DYNLT2B: variants seen among roughly 807,000 people sequenced by gnomAD.
DYNLT2B encodes the protein dynein light chain Tctex-type 2B.
DYNLT2B carries 14 observed loss-of-function variants against 19.5 expected under a neutral mutation model. The ratio of observed to expected loss-of-function variants is 0.72; its 90% CI spans 0.47 to 1.12. The LOEUF (loss-of-function observed/expected upper bound fraction) is 1.12. Ranked by LOEUF, DYNLT2B falls within the 50% of genes most tolerant of loss-of-function variation. DYNLT2B has a pLI of 0.00. For missense variants in DYNLT2B, 133 were observed against 174.7 expected (o/e 0.76, Z 1.35); for synonymous variants, 70 against 59.7 (o/e 1.17, Z -0.79).
At chr3:196,313,872 C>G (rs574947984) in intron 2 of DYNLT2B, among the ~76,000 whole-genome samples, 1 of 151,924 alleles carries the variant, frequency 6.6e-6, no homozygotes. Flanking sequence ...CCGAGGCGGA[C>G]GGATCACCTG....
chr3:196,310,575 C>T lies in DYNLT2B; in HGVS notation c.248-3563G>A, dbSNP rs571769720. Among the ~76,000 whole-genome samples, 12 of 150,886 alleles carry T rather than the reference C, an allele frequency of 8.0e-5. No homozygotes were observed. The East Asian group carries it at 1.4e-3, about 17-fold the overall frequency. On this transcript the variant is annotated intron_variant, in intron 2 of 4. Coordinates refer to ENST00000325318, the MANE Select transcript of DYNLT2B (RefSeq NM_152773.5). ...TTCTGAGTAGCTGGGATTACAGGCA[C>T]GCACCACCATACCTGGCTAAATTTT...
At chr3:196,300,625 A>AG (rs1227384603) in intron 3 of DYNLT2B, among the ~76,000 whole-genome samples, 1 of 147,676 alleles carries the variant, frequency 6.8e-6, no homozygotes, top group African/African-American at 2.5e-5. Context: ...GTTACTCAGG[A>AG]GGCTGAGGCA....
intron 2 of DYNLT2B, among the ~76,000 whole-genome samples, chr3:196,313,563 A>G (rs76081258): frequency 0.013 from 1,992 of 152,202 alleles, 53 homozygotes; most frequent in African/African-American, 0.046. Flanking sequence ...TCTAGTGTTT[A>G]AATTTTGTAT....
At chr3:196,315,726 G>A (rs1021483589) in intron 2 of DYNLT2B, among the ~76,000 whole-genome samples, 1 of 152,026 alleles carries the variant, frequency 6.6e-6, no homozygotes, top group African/African-American at 2.4e-5. Flanking sequence ...TACAAAATTA[G>A]CCAGGCGTGA....
chr3:196,310,460 G>A (rs1473797465), intron 2 of DYNLT2B, among the ~76,000 whole-genome samples: 4 of 151,092 alleles, frequency 2.6e-5, no homozygotes, highest in East Asian at 3.9e-4. Context: ...AGGGAATCTC[G>A]CTCTGTCGCT....
intron 3 of DYNLT2B, among the ~76,000 whole-genome samples, chr3:196,298,839 G>C (rs1490350269): frequency 1.3e-5 from 2 of 152,184 alleles, no homozygotes; most frequent in Non-Finnish European, 2.9e-5. Context: ...CCTTGCTCAG[G>C]TAAAGAACAA....
chr3:196,291,251 G>T lies in DYNLT2B; in HGVS notation c.*76C>A. Reference sequence around the variant, plus strand: ...GTCAAACTACTAACATCTTTATTTTGTCAAGATATTTAACAATATTAAAAA... The same window carrying T: ...GTCAAACTACTAACATCTTTATTTTTTCAAGATATTTAACAATATTAAAAA... On this transcript the variant is annotated 3_prime_UTR_variant, in exon 5 of 5. Coordinates refer to ENST00000325318, the MANE Select transcript of DYNLT2B (RefSeq NM_152773.5). 2.2e-6 allele frequency: 3 copies of T among 1,342,864 alleles called. No individual in the cohort carries two copies. The highest frequency in any genetic ancestry group is 3.1e-6 in the Non-Finnish European group (3 of 968,124). The allele number at this position is 1,342,864 out of a possible 1,614,324, so 83.2% of individuals were successfully genotyped here.
chr3:196,301,616 G>A (rs1726353422), intron 3 of DYNLT2B, among the ~76,000 whole-genome samples: 1 of 152,074 alleles, frequency 6.6e-6, no homozygotes, highest in Non-Finnish European at 1.5e-5. Flanking sequence ...GGGAGGCTGA[G>A]GCAGGAGAAT....
Position 196,316,110 on chromosome 3 carries a change from C to G in DYNLT2B, c.235G>C (p.Asp79His). The G allele has an allele frequency of 6.2e-7, 1 of 1,613,220 alleles. No individual in the cohort carries two copies. The highest frequency in any genetic ancestry group is 1.1e-5 in the South Asian group (1 of 90,896). The change falls in exon 2 of 5, where the codon GAT becomes CAT. Residue 79 changes from aspartate (D) to histidine (H), a missense_variant. Coordinates refer to ENST00000325318, the MANE Select transcript of DYNLT2B (RefSeq NM_152773.5). ...TCACCATGATTACCTTTTAATTTAT[C>G]TTTAATGTTTTCTGATAAATGTTTT... ...LTKHLSENIK[D>H]KLKEMGFDRY...
At chr3:196,298,943 G>A (rs1300957964) in intron 3 of DYNLT2B, among the ~76,000 whole-genome samples, 1 of 151,698 alleles carries the variant, frequency 6.6e-6, no homozygotes, top group Non-Finnish European at 1.5e-5. Flanking sequence ...ACAGAGTCTT[G>A]CTCTGTCACC....
chr3:196,296,296 G>C, intron 3 of DYNLT2B: 1 of 472,132 alleles, frequency 2.1e-6, no homozygotes, highest in Non-Finnish European at 3.8e-6. Context: ...TGACCAGCCA[G>C]GTACTCTGAC....
intron 2 of DYNLT2B, among the ~76,000 whole-genome samples, chr3:196,314,479 A>C (rs1361499419): frequency 6.6e-6 from 1 of 151,380 alleles, no homozygotes; most frequent in Non-Finnish European, 1.5e-5. Context: ...AAAAAAAAAA[A>C]AAAAAAGAAC....
chr3:196,310,947 G>T (rs1401895040), intron 2 of DYNLT2B, among the ~76,000 whole-genome samples: 1 of 151,928 alleles, frequency 6.6e-6, no homozygotes, highest in Non-Finnish European at 1.5e-5. Flanking sequence ...TGTTGCCCAG[G>T]GTGGTCATGA....
chr3:196,307,175 T>C (rs1726510640), intron 2 of DYNLT2B, among the ~76,000 whole-genome samples, 163 bp from the exon 3 acceptor site: 1 of 152,208 alleles, frequency 6.6e-6, no homozygotes, highest in Admixed American at 6.5e-5. Flanking sequence ...ATCCTAACTA[T>C]AACTCAGCAA....
At chr3:196,298,293 C>T (rs1726271776) in intron 3 of DYNLT2B, 1 of 161,774 alleles carries the variant, frequency 6.2e-6, no homozygotes, top group Non-Finnish European at 1.3e-5. Context: ...ATAGTGAGAC[C>T]CCAATTGTTT....
intron 3 of DYNLT2B, among the ~76,000 whole-genome samples, chr3:196,298,668 T>A (rs1726278804): frequency 2.0e-5 from 3 of 150,620 alleles, no homozygotes; most frequent in African/African-American, 7.3e-5. Context: ...TAAGAAAAGC[T>A]GGATAAAATG....
chr3:196,297,942 A>T (rs1726263157), intron 3 of DYNLT2B: 1 of 153,190 alleles, frequency 6.5e-6, no homozygotes. Context: ...GAGAAAAAAT[A>T]TATTCCCAAT....
intron 2 of DYNLT2B, among the ~76,000 whole-genome samples, chr3:196,310,606 T>TTAGTAGAGACACGGTTTC (rs1726613437): frequency 6.6e-6 from 1 of 150,766 alleles, no homozygotes; most frequent in South Asian, 2.1e-4. Context: ...ATTTTATATT[T>TTAGTAGAGACACGGTTTC]TAGTAGAGAC....
chr3:196,309,186 C>G (rs755025566), intron 2 of DYNLT2B, among the ~76,000 whole-genome samples: 2 of 152,198 alleles, frequency 1.3e-5, no homozygotes, highest in Admixed American at 6.5e-5. Context: ...GAGGCTGAGG[C>G]GGGAGGATCT....
Sources: allele counts gnomAD v4.1 joint callset (sites outside exome capture counted in the v4.1 genomes callset), GRCh38; gene constraint gnomAD v4.1.1; transcripts MANE v1.5; gene names NCBI Gene and HGNC (gene_info 2026-07-23, HGNC 2026-07-21).